IL1RL2: variants seen among roughly 807,000 people sequenced by gnomAD.
IL1RL2 encodes interleukin 1 receptor like 2.
A neutral mutation model predicts 66.8 loss-of-function variants in IL1RL2; 68 were observed. That is an observed-to-expected ratio of 1.02 (90% confidence interval 0.84 to 1.25). The LOEUF (loss-of-function observed/expected upper bound fraction) is 1.25, where lower values mean the gene tolerates loss of function less well. IL1RL2 is among the 50% of genes most tolerant of loss of function. The pLI, the probability that IL1RL2 is intolerant of heterozygous loss-of-function variation, is 0.00. For synonymous variants in IL1RL2, 305 were observed against 264.6 expected (o/e 1.15, Z -1.48); for missense variants, 729 against 709.3 (o/e 1.03, Z -0.32).
At chr2:102,229,521 T>A (rs1200225362) in intron 9 of IL1RL2, among the ~76,000 whole-genome samples, 1 of 152,170 alleles carries the variant, frequency 6.6e-6, no homozygotes, top group Non-Finnish European at 1.5e-5. Flanking sequence ...TCCTTACTCA[T>A]AATTTGGGGA....
chr2:102,227,645 G>A (rs942029760), intron 9 of IL1RL2, among the ~76,000 whole-genome samples: 2 of 152,076 alleles, frequency 1.3e-5, no homozygotes, highest in Non-Finnish European at 2.9e-5. Flanking sequence ...GCTCTCTCCT[G>A]CTTGCGTCTT....
chr2:102,233,080 G>T lies in IL1RL2; in HGVS notation c.1253G>T (p.Gly418Val). ...ILPEVLERQC[G>V]YKLFIFGRDE... The stretch of plus-strand genomic sequence containing the variant: ...CCCGAGGTGTTGGAGAGACAATGTG[G>T]ATATAAGTTGTTTATATTCGGCAGA... Residue 418 changes from glycine (G) to valine (V), a missense_variant, in exon 10 of 12, where the codon GGA becomes GTA. Coordinates refer to ENST00000264257, the MANE Select transcript of IL1RL2 (RefSeq NM_003854.4). 1.2e-6 allele frequency: 2 copies of T among 1,605,600 alleles called. No individual in the cohort carries two copies. Among genetic ancestry groups the T allele is most frequent in the Non-Finnish European group, 1.7e-6 (2 of 1,175,050 alleles).
At chr2:102,226,769 G>T (rs1429969503) in intron 9 of IL1RL2, among the ~76,000 whole-genome samples, 1 of 151,622 alleles carries the variant, frequency 6.6e-6, no homozygotes, top group Admixed American at 6.6e-5. Flanking sequence ...TGGAGGAGAA[G>T]GGAGGAAGGG....
rs368327201 is a variant in IL1RL2 at position 102,234,955 on chromosome 2, G to T, written c.1356G>T (p.Val452=). The change falls in exon 11 of 12, where the codon GTG becomes GTT. Residue 452 remains valine, a synonymous_variant. Transcript: ENST00000264257. Reference sequence around the variant, plus strand: ...TGTGCAGGAGGCTGATTGTCATTGTGGTCCCCGAATCGCTGGGCTTTGGCC... The same window carrying T: ...TGTGCAGGAGGCTGATTGTCATTGTTGTCCCCGAATCGCTGGGCTTTGGCC... ...VKLCRRLIVI[V]VPESLGFGLL... The T allele has an allele frequency of 6.2e-7, 1 of 1,614,070 alleles. No homozygotes were observed. The highest frequency in any genetic ancestry group is 8.5e-7 in the Non-Finnish European group (1 of 1,180,036).
chr2:102,200,117 C>CAAAAAAAAAA (rs35208716), intron 4 of IL1RL2, among the ~76,000 whole-genome samples: 1 of 95,148 alleles, frequency 1.1e-5, no homozygotes, highest in African/African-American at 4.0e-5. Context: ...CCTGTTCCAG[C>CAAAAAAAAAA]AAAAAAAAAA....
chr2:102,196,339 G>A (rs1311997497), intron 4 of IL1RL2, among the ~76,000 whole-genome samples: 5 of 152,146 alleles, frequency 3.3e-5, no homozygotes, highest in African/African-American at 1.2e-4. Context: ...AAGCAGGAGG[G>A]GTCACCTGAT....
At chr2:102,203,482 A>G (rs1047156824) in intron 5 of IL1RL2, among the ~76,000 whole-genome samples, 4 of 151,848 alleles carry the variant, frequency 2.6e-5, no homozygotes, top group African/African-American at 9.7e-5. Flanking sequence ...TCTTCTTTAA[A>G]TGTTTGTTAG....
chr2:102,215,099 A>G (rs1689492293), intron 6 of IL1RL2, among the ~76,000 whole-genome samples: 1 of 147,612 alleles, frequency 6.8e-6, no homozygotes, highest in South Asian at 2.1e-4. Context: ...CACCTTCATT[A>G]TTACCACAGA....
intron 8 of IL1RL2, among the ~76,000 whole-genome samples, chr2:102,223,926 T>C (rs1456946498): frequency 1.3e-5 from 2 of 152,164 alleles, no homozygotes; most frequent in South Asian, 2.1e-4. Flanking sequence ...AGGATTGGAT[T>C]GGGCACCGGT....
chr2:102,233,272 C>A (rs1431750144), intron 10 of IL1RL2, 148 bp downstream of exon 10: 9 of 741,934 alleles, frequency 1.2e-5, no homozygotes, highest in Middle Eastern at 3.9e-4. Flanking sequence ...CCGTCAGCCC[C>A]CAGCCCCCAG....
chr2:102,187,819 C>A, intron 1 of IL1RL2, 37 bp from the exon 2 acceptor site: 1 of 1,564,232 alleles, frequency 6.4e-7, no homozygotes, highest in Non-Finnish European at 8.8e-7. Context: ...CGCCCTACTG[C>A]GTCCTCCCCT....
intron 6 of IL1RL2, among the ~76,000 whole-genome samples, chr2:102,215,345 A>G (rs1341741734): frequency 5.3e-5 from 8 of 152,114 alleles, no homozygotes; most frequent in East Asian, 3.9e-4. Context: ...TCCATCCCCA[A>G]TGCTTTCCCG....
chr2:102,205,001 A>AT (rs927576210), intron 5 of IL1RL2, among the ~76,000 whole-genome samples: 4 of 151,250 alleles, frequency 2.6e-5, no homozygotes, highest in African/African-American at 9.7e-5. Context: ...CTTGCTTTTT[A>AT]TTTTTTTGTG....
rs1249984786 is a variant in IL1RL2 at position 102,225,925 on chromosome 2, G to C, written c.1019G>C (p.Gly340Ala). The change falls in exon 9 of 12, where the codon GGA (glycine) becomes GCA (alanine). Residue 340 changes from glycine to alanine, a missense_variant. Coordinates refer to ENST00000264257, the MANE Select transcript of IL1RL2 (RefSeq NM_003854.4). ...PAPDFRAYLI[G>A]GLIALVAVAV... ...CCGGATTTTCGAGCTTACTTGATAGGAGGGCTTATCGCCTTGGTGGCTGTG... is the reference window on the plus strand; with the variant it reads ...CCGGATTTTCGAGCTTACTTGATAGCAGGGCTTATCGCCTTGGTGGCTGTG... 1 of 1,598,192 alleles carries C rather than the reference G, an allele frequency of 6.3e-7. No homozygotes were observed. The highest frequency in any genetic ancestry group is 8.5e-7 in the Non-Finnish European group (1 of 1,172,210).
At chr2:102,227,704 G>T (rs1376253983) in intron 9 of IL1RL2, among the ~76,000 whole-genome samples, 2 of 152,108 alleles carry the variant, frequency 1.3e-5, no homozygotes, top group African/African-American at 4.8e-5. Flanking sequence ...TTCTGACACA[G>T]AGTTGAGTGG....
At chr2:102,195,162 G>T (rs1430290057) in intron 4 of IL1RL2, among the ~76,000 whole-genome samples, 1 of 152,118 alleles carries the variant, frequency 6.6e-6, no homozygotes, top group East Asian at 1.9e-4. Context: ...TATAGATCTG[G>T]ATATCAGTAA....
In IL1RL2 at chr2:102,212,123, A is replaced by G. The variant is rs1689222227; in HGVS notation, c.673A>G (p.Ser225Gly). ...SITERAGYGG[S>G]VPKIIYPKNH... ...AGCAGAAAGAGCTGGATATGGAGGA[A>G]GTGTCCCTAAAATCATTTATCCAAA... The change falls in exon 6 of 12, where the codon AGT becomes GGT. Residue 225 changes from serine (S) to glycine (G), a missense_variant. Coordinates refer to ENST00000264257, the MANE Select transcript of IL1RL2 (RefSeq NM_003854.4). The G allele has an allele frequency of 6.2e-7, 1 of 1,613,294 alleles. No homozygotes were observed. Among genetic ancestry groups the G allele is most frequent in the African/African-American group, 1.3e-5 (1 of 74,906 alleles).
At chr2:102,230,401 G>A (rs1240956943) in intron 9 of IL1RL2, among the ~76,000 whole-genome samples, 2 of 152,186 alleles carry the variant, frequency 1.3e-5, no homozygotes, top group Non-Finnish European at 2.9e-5. Flanking sequence ...TTTCAGCTAT[G>A]TTGGGTTTTT....
chr2:102,227,857 C>T (rs983244336), intron 9 of IL1RL2, among the ~76,000 whole-genome samples: 16 of 152,090 alleles, frequency 1.1e-4, no homozygotes, highest in Admixed American at 5.9e-4. Context: ...TGAGTCATTG[C>T]GACTCCCAGG....
Sources: gnomAD v4.1 joint callset for allele counts (sites outside exome capture counted in the v4.1 genomes callset) on GRCh38, gnomAD v4.1.1 for gene constraint, MANE v1.5 for transcripts, NCBI Gene and HGNC (gene_info 2026-07-23, HGNC 2026-07-21) for gene names.